Variants in ANO3 observed in about 807,000 individuals in gnomAD.
The protein encoded by ANO3 is anoctamin 3, also known as anoctamin-3.
ANO3 carries 99 observed loss-of-function variants against 144.8 expected under a neutral mutation model. The ratio of observed to expected loss-of-function variants is 0.68; its 90% CI spans 0.58 to 0.81. ANO3 has a LOEUF of 0.81. Among genes scored for constraint, ANO3 ranks in the 30% least tolerant of loss-of-function variants. The pLI is 0.00. For missense variants in ANO3, 905 were observed against 1,202.2 expected, an observed-to-expected ratio of 0.75 and a Z score of 3.66; for synonymous variants, 414 against 392.6, an observed-to-expected ratio of 1.05 and a Z score of -0.64.
chr11:26,560,120 A>G (rs17243454), intron 14 of ANO3: 41,445 of 205,802 alleles, frequency 0.2, 4,347 homozygotes, highest in South Asian at 0.25. Flanking sequence ...GATGCTCAGT[A>G]AAAAGTTGTT....
Position 26,656,402 on chromosome 11 carries a change from G to A in ANO3, c.2684G>A (p.Trp895Ter). Residue 895 changes from tryptophan to a stop codon, truncating the protein, a stop_gained, in exon 26 of 27, where the codon TGG becomes TAG. Coordinates refer to ENST00000256737, the MANE Select transcript of ANO3 (RefSeq NM_031418.4). LOFTEE classifies it high-confidence loss of function. ...CRYRDYRGPP[W>*]SSKPYEFTLQ... ...TACAGAGACTACAGAGGCCCGCCCT[G>A]GAGTTCCAAACCCTATGAGTTTACT... 1.2e-6 allele frequency: 2 copies of A among 1,608,926 alleles called. No individual in the cohort carries two copies. The highest frequency in any genetic ancestry group is 8.5e-7 in the Non-Finnish European group (1 of 1,175,378).
chr11:26,443,033 G>C (rs1160735662), intron 2 of ANO3, among the ~76,000 whole-genome samples: 1 of 151,864 alleles, frequency 6.6e-6, no homozygotes, highest in Admixed American at 6.6e-5. Flanking sequence ...CAAAGTCCTG[G>C]GATTACAGGT....
chr11:26,396,955 C>G (rs1857030260), intron 1 of ANO3, among the ~76,000 whole-genome samples: 1 of 140,944 alleles, frequency 7.1e-6, no homozygotes, highest in South Asian at 2.2e-4. Context: ...TAAAAAAATG[C>G]TTCAGATAAA....
At chr11:26,655,930 C>A (rs1025583185) in intron 24 of ANO3, among the ~76,000 whole-genome samples, 195 bp from the exon 25 acceptor site, 2 of 151,734 alleles carry the variant, frequency 1.3e-5, no homozygotes, top group Non-Finnish European at 2.9e-5. Flanking sequence ...TGGGAGAAAA[C>A]GGCAGGGCAG....
At chr11:26,369,617 C>CT (rs1035948534) in intron 1 of ANO3, among the ~76,000 whole-genome samples, 2 of 152,030 alleles carry the variant, frequency 1.3e-5, no homozygotes, top group Non-Finnish European at 2.9e-5. Context: ...CCAGTTTAAG[C>CT]TTTTTTTCAA....
chr11:26,249,662 A>G (rs1393040618), intron 1 of ANO3, among the ~76,000 whole-genome samples: 3 of 152,128 alleles, frequency 2.0e-5, no homozygotes, highest in Admixed American at 6.5e-5. Flanking sequence ...TTGATACTAC[A>G]AACTCTGTTT....
intron 1 of ANO3, among the ~76,000 whole-genome samples, chr11:26,373,111 C>G (rs1274972143): frequency 6.6e-6 from 1 of 152,130 alleles, no homozygotes; most frequent in Admixed American, 6.6e-5. Context: ...CAGACACACA[C>G]ACACATATAA....
At chr11:26,489,900 C>A (rs957385849) in intron 4 of ANO3, among the ~76,000 whole-genome samples, 1 of 152,130 alleles carries the variant, frequency 6.6e-6, no homozygotes. Flanking sequence ...GCAGAAAGGA[C>A]TTGTCTTGTT....
At chr11:26,592,683 AG>A (rs1430748959) in intron 14 of ANO3, among the ~76,000 whole-genome samples, 2 of 150,946 alleles carry the variant, frequency 1.3e-5, no homozygotes, top group Non-Finnish European at 2.9e-5. Flanking sequence ...CACACTTCAC[AG>A]GCCCTGACTA....
chr11:26,321,617 G>T (rs182390659), intron 1 of ANO3, among the ~76,000 whole-genome samples: 12 of 151,952 alleles, frequency 7.9e-5, no homozygotes, highest in African/African-American at 2.9e-4. Flanking sequence ...CTACACTCAA[G>T]AATAAATTAT....
At chr11:26,595,764 A>C (rs1235881296) in intron 14 of ANO3, among the ~76,000 whole-genome samples, 1 of 152,184 alleles carries the variant, frequency 6.6e-6, no homozygotes, top group Non-Finnish European at 1.5e-5. Context: ...TTAGTGTTAA[A>C]TCACCTTTTT....
chr11:26,416,713 C>T (rs1857599246), intron 1 of ANO3, among the ~76,000 whole-genome samples: 2 of 151,972 alleles, frequency 1.3e-5, no homozygotes, highest in Non-Finnish European at 2.9e-5. Flanking sequence ...TGAGTAGGGT[C>T]TTAGCCTCAA....
chr11:26,221,945 G>A (rs1368229582), intron 1 of ANO3, among the ~76,000 whole-genome samples: 1 of 152,098 alleles, frequency 6.6e-6, no homozygotes, highest in African/African-American at 2.4e-5. Flanking sequence ...GATTTGGAGG[G>A]AACACACATC....
rs930904070 is a variant in ANO3 at position 26,399,859 on chromosome 11, C to T, written c.47-42059C>T. The stretch of plus-strand genomic sequence containing the variant: ...TTTGTTTGTTTGTTTCTTTGCTTCA[C>T]GGTATAGACTGCCTTCCTCAAATCT... On this transcript the variant is annotated intron_variant, in intron 1 of 26. Coordinates refer to ENST00000256737, the MANE Select transcript of ANO3 (RefSeq NM_031418.4). Among the ~76,000 whole-genome samples the T allele has an allele frequency of 3.3e-5, 5 of 152,002 alleles. No individual in the cohort carries two copies. In the East Asian group the frequency reaches 5.8e-4, roughly 18 times the overall value.
chr11:26,333,633 A>T lies in ANO3; in HGVS notation c.46+1312A>T, dbSNP rs558657933. The stretch of plus-strand genomic sequence containing the variant: ...AAAACTAGATTAACACACAAGAAAC[A>T]ATTTCGAAGGGATTCCTGCGTAAGA... On this transcript the variant is annotated intron_variant, in intron 1 of 26. Coordinates refer to ENST00000256737, the MANE Select transcript of ANO3 (RefSeq NM_031418.4). Among the ~76,000 whole-genome samples the T allele has an allele frequency of 2.6e-4, 40 of 152,240 alleles. 1 individual carries two copies. The South Asian group carries it at 8.3e-3, about 32-fold the overall frequency.
At position 26,441,846 on chromosome 11, in the gene ANO3, A is replaced by T. The variant is rs1858531520; in HGVS notation, c.47-72A>T. On this transcript the variant is annotated intron_variant, in intron 1 of 26. Transcript: ENST00000256737. Reference sequence around the variant, plus strand: ...GTTCATTCCTGAAACAGGTATCACAAGAATTAAAACTTTTTATTGACCTCT... The same window carrying T: ...GTTCATTCCTGAAACAGGTATCACATGAATTAAAACTTTTTATTGACCTCT... The T allele has an allele frequency of 4.4e-6, 5 of 1,139,422 alleles. No individual in the cohort carries two copies. In the Admixed American group the frequency reaches 8.9e-5, roughly 20 times the overall value. 70.6% of individuals were successfully genotyped at this position (1,139,422 alleles called of 1,614,324 possible). A position where few individuals can be genotyped will look rare whatever the true frequency, so the allele number is the denominator to read the frequency against.
rs758599862 is a variant in ANO3 at position 26,660,248 on chromosome 11, A to T, written c.2764-14A>T. ...AATCTTTGAAAACTGTCCTTTTCAC[A>T]TTTAAATTTGCAGCACCTTGTTTTT... On this transcript the variant is annotated splice_polypyrimidine_tract_variant and intron_variant, in intron 26 of 26. Coordinates refer to ENST00000256737, the MANE Select transcript of ANO3 (RefSeq NM_031418.4). 7.4e-6 allele frequency: 12 copies of T among 1,611,920 alleles called. No homozygotes were observed. The highest frequency in any genetic ancestry group is 9.3e-6 in the Non-Finnish European group (11 of 1,178,854).
At chr11:26,435,212 T>C (rs974721696) in intron 1 of ANO3, among the ~76,000 whole-genome samples, 1 of 152,206 alleles carries the variant, frequency 6.6e-6, no homozygotes, top group African/African-American at 2.4e-5. Context: ...AATGCTTGGT[T>C]GAAGATATTT....
At chr11:26,374,481 C>A (rs1856349405) in intron 1 of ANO3, among the ~76,000 whole-genome samples, 1 of 152,052 alleles carries the variant, frequency 6.6e-6, no homozygotes, top group Admixed American at 6.6e-5. Context: ...TTAAAGATCA[C>A]AGAACTTGGA....
Sources: allele counts gnomAD v4.1 joint callset (sites outside exome capture counted in the v4.1 genomes callset), GRCh38; gene constraint gnomAD v4.1.1; transcripts MANE v1.5; gene names NCBI Gene and HGNC (gene_info 2026-07-23, HGNC 2026-07-21).